LRRC7: variants seen among roughly 807,000 people sequenced by gnomAD.
LRRC7 encodes leucine-rich repeat-containing protein 7.
In LRRC7, 23 loss-of-function variants were observed where a neutral mutation model predicts 175.7. That is an observed-to-expected ratio of 0.13 (90% CI 0.09 to 0.19). The LOEUF (loss-of-function observed/expected upper bound fraction) is 0.19. LRRC7 is among the 10% of genes least tolerant of loss of function. The pLI is 1.00. For synonymous variants in LRRC7, 685 were observed against 680.9 expected, an observed-to-expected ratio of 1.01 and a Z score of -0.09; for missense variants, 1,354 against 1,904.7, an observed-to-expected ratio of 0.71 and a Z score of 5.38.
At chr1:69,686,633 C>T (rs1661183334) in intron 2 of LRRC7, among the ~76,000 whole-genome samples, 1 of 151,724 alleles carries the variant, frequency 6.6e-6, no homozygotes. Context: ...CAAAGGTGAA[C>T]TAAATATACT....
rs139756071 is a variant in LRRC7 at position 70,023,549 on chromosome 1, G to A, written c.1794+175G>A. ...TTTTGTTTATTGACATTGGCAATGG[G>A]GTGGGGAGGACTAAGTCAGAGGGGA... On this transcript the variant is annotated intron_variant, in intron 17 of 26. Transcript: ENST00000651989. Among the ~76,000 whole-genome samples, 997 of 152,206 alleles carry A rather than the reference G, an allele frequency of 6.6e-3. 8 individuals carry two copies. The highest frequency in any genetic ancestry group is 0.022 in the African/African-American group (918 of 41,544).
At chr1:70,098,260 C>A (rs1195114977) in intron 25 of LRRC7, among the ~76,000 whole-genome samples, 1 of 152,062 alleles carries the variant, frequency 6.6e-6, no homozygotes, top group African/African-American at 2.4e-5. Context: ...TAAATGTCTT[C>A]TTTGAAACCA....
At chr1:69,667,007 T>C (rs964691882) in intron 1 of LRRC7, among the ~76,000 whole-genome samples, 25 of 152,110 alleles carry the variant, frequency 1.6e-4, no homozygotes, top group African/African-American at 5.8e-4. Flanking sequence ...TGTATTTCCA[T>C]TATAATTTGT....
intron 7 of LRRC7, among the ~76,000 whole-genome samples, chr1:69,849,809 C>T (rs949691901): frequency 6.6e-6 from 1 of 152,058 alleles, no homozygotes; most frequent in African/African-American, 2.4e-5. Context: ...TAAGTTCTCA[C>T]TTTATATAGT....
intron 2 of LRRC7, among the ~76,000 whole-genome samples, chr1:69,724,111 T>C (rs892520441): frequency 7.2e-5 from 11 of 152,212 alleles, no homozygotes; most frequent in Non-Finnish European, 1.6e-4. Flanking sequence ...TGTTTAAAAT[T>C]GAGCACATTC....
intron 7 of LRRC7, among the ~76,000 whole-genome samples, chr1:69,871,812 A>C (rs1326047683): frequency 6.6e-6 from 1 of 152,016 alleles, no homozygotes; most frequent in Non-Finnish European, 1.5e-5. Flanking sequence ...CTGTCAATTA[A>C]ACATGAAGCT....
chr1:69,743,478 T>C (rs773015099), intron 2 of LRRC7, among the ~76,000 whole-genome samples: 1 of 151,914 alleles, frequency 6.6e-6, no homozygotes, highest in African/African-American at 2.4e-5. Flanking sequence ...ATATGTAGGG[T>C]AGGCCATGAG....
chr1:70,121,306 T>C (rs1321501319), intron 26 of LRRC7, among the ~76,000 whole-genome samples: 2 of 152,096 alleles, frequency 1.3e-5, no homozygotes, highest in African/African-American at 4.8e-5. Flanking sequence ...AACCAAGAAC[T>C]TTCCAGTGAG....
intron 7 of LRRC7, among the ~76,000 whole-genome samples, chr1:69,860,175 C>T (rs1204518610): frequency 6.6e-6 from 1 of 151,730 alleles, no homozygotes; most frequent in African/African-American, 2.4e-5. Flanking sequence ...TTGTTGAATT[C>T]TATTTTCCTA....
chr1:69,716,164 T>G (rs1665325067), intron 2 of LRRC7: 1 of 444,760 alleles, frequency 2.2e-6, no homozygotes. Flanking sequence ...TGAAAAAAAA[T>G]GCAAGTCAAA....
chr1:69,685,893 A>G (rs1661080715), intron 2 of LRRC7, among the ~76,000 whole-genome samples: 1 of 151,932 alleles, frequency 6.6e-6, no homozygotes, highest in African/African-American at 2.4e-5. Context: ...TCCAAAGAAG[A>G]TAAACCAAAA....
At chr1:69,651,335 C>G (rs895101840) in intron 1 of LRRC7, among the ~76,000 whole-genome samples, 1 of 152,092 alleles carries the variant, frequency 6.6e-6, no homozygotes, top group Non-Finnish European at 1.5e-5. Context: ...GCAACTATAA[C>G]TTTCTCTATA....
intron 2 of LRRC7, among the ~76,000 whole-genome samples, chr1:69,705,958 A>T (rs1276901176): frequency 6.6e-6 from 1 of 152,166 alleles, no homozygotes; most frequent in Non-Finnish European, 1.5e-5. Flanking sequence ...CCCTCCAAAA[A>T]ATAAATGGTC....
At chr1:69,971,079 C>T (rs753474937) in intron 8 of LRRC7, among the ~76,000 whole-genome samples, 3 of 152,078 alleles carry the variant, frequency 2.0e-5, no homozygotes, top group Admixed American at 6.6e-5. Flanking sequence ...AATCCAGCAT[C>T]GTTTTTGATT....
intron 7 of LRRC7, among the ~76,000 whole-genome samples, chr1:69,930,509 A>G (rs1647266231): frequency 1.3e-5 from 2 of 152,224 alleles, no homozygotes; most frequent in Admixed American, 1.3e-4. Context: ...ATCTTTCAGA[A>G]AAGCACTGTA....
chr1:69,948,949 T>G lies in LRRC7; in HGVS notation c.711+17379T>G, dbSNP rs1649632655. On this transcript the variant is annotated intron_variant, in intron 8 of 26. Coordinates refer to ENST00000651989, the MANE Select transcript of LRRC7 (RefSeq NM_001370785.2). ...GAAGTCAGTGGGAGCAGACATTTAA[T>G]GAGAATTTTCAGCTAGTGAGATAAC... 2.6e-5 allele frequency among the ~76,000 whole-genome samples: 4 copies of G among 152,156 alleles called. No individual in the cohort carries two copies. The South Asian group carries it at 8.3e-4, about 32-fold the overall frequency.
chr1:69,924,084 C>G (rs1041693935), intron 7 of LRRC7, among the ~76,000 whole-genome samples: 184 of 152,192 alleles, frequency 1.2e-3, no homozygotes, highest in Non-Finnish European at 2.0e-3. Context: ...TCTTGTTTTT[C>G]TCAGGTTTGT....
At chr1:69,853,316 T>C (rs1683209712) in intron 7 of LRRC7, among the ~76,000 whole-genome samples, 1 of 146,190 alleles carries the variant, frequency 6.8e-6, no homozygotes, top group African/African-American at 2.5e-5. Context: ...TCTTACTCTG[T>C]TACCCAGGCT....
chr1:70,136,617 C>T lies in LRRC7; in HGVS notation c.*14730C>T, dbSNP rs548237861. Among the ~76,000 whole-genome samples, 1 of 151,520 alleles carries T rather than the reference C, an allele frequency of 6.6e-6. No homozygotes were observed. The highest frequency in any genetic ancestry group is 1.5e-5 in the Non-Finnish European group (1 of 67,966). On this transcript the variant is annotated 3_prime_UTR_variant, in exon 27 of 27. Transcript: ENST00000651989. The stretch of plus-strand genomic sequence containing the variant: ...ACACAAAAAGTCTAATAAATGCTAT[C>T]GTGTAGGTACAAAATATGAGGAAAG...
Sources: gnomAD v4.1 joint callset for allele counts (sites outside exome capture counted in the v4.1 genomes callset) on GRCh38, gnomAD v4.1.1 for gene constraint, MANE v1.5 for transcripts, NCBI Gene and HGNC (gene_info 2026-07-23, HGNC 2026-07-21) for gene names.